The following KCNB2 variants were observed in gnomAD, a reference collection of about 807,000 sequenced individuals.
KCNB2 encodes potassium voltage-gated channel subfamily B member 2.
KCNB2 carries 15 observed loss-of-function variants against 61.5 expected under a neutral mutation model. The observed-to-expected ratio is 0.24, with a 90% CI of 0.16 to 0.38. The LOEUF (loss-of-function observed/expected upper bound fraction) is 0.38. Ranked by LOEUF, KCNB2 falls within the 10% of genes least tolerant of loss-of-function variation. The pLI is 1.00. For synonymous variants in KCNB2, 457 were observed against 446.0 expected (o/e 1.02, Z -0.31); for missense variants, 828 against 1,125.2 (o/e 0.74, Z 3.78).
At chr8:72,900,184 G>T (rs985700499) in intron 2 of KCNB2, among the ~76,000 whole-genome samples, 2 of 152,060 alleles carry the variant, frequency 1.3e-5, no homozygotes, top group African/African-American at 4.8e-5. Flanking sequence ...GATCCCAGAA[G>T]TAAAGCTACA....
intron 2 of KCNB2, among the ~76,000 whole-genome samples, chr8:72,721,491 T>G (rs1406029498): frequency 2.0e-5 from 3 of 152,058 alleles, no homozygotes; most frequent in Admixed American, 2.0e-4. Flanking sequence ...TAAAAGAAAG[T>G]GAGAGTAAGG....
intron 2 of KCNB2, among the ~76,000 whole-genome samples, chr8:72,837,573 C>G (rs895507077): frequency 5.3e-5 from 8 of 152,196 alleles, no homozygotes; most frequent in African/African-American, 1.9e-4. Flanking sequence ...TAATTACATA[C>G]AGTGAAATCT....
chr8:72,818,434 T>C lies in KCNB2; in HGVS notation c.580-117501T>C, dbSNP rs75133069. Among the ~76,000 whole-genome samples, 455 of 152,282 alleles carry C rather than the reference T, an allele frequency of 3.0e-3. 2 individuals carry two copies. The highest frequency in any genetic ancestry group is 0.011 in the African/African-American group (447 of 41,566). ...AACCTTAGTTCCACCATTAACTTGA[T>C]CTGTGACCTTGAGACTGTCACTTTA... On this transcript the variant is annotated intron_variant, in intron 2 of 2. Coordinates refer to ENST00000523207, the MANE Select transcript of KCNB2 (RefSeq NM_004770.3).
At chr8:72,758,841 C>T (rs1808334473) in intron 2 of KCNB2, among the ~76,000 whole-genome samples, 2 of 152,228 alleles carry the variant, frequency 1.3e-5, no homozygotes, top group East Asian at 1.9e-4. Context: ...TTCCCATGGG[C>T]ATTTCATTAA....
chr8:72,549,592 T>C (rs984601717), intron 1 of KCNB2, among the ~76,000 whole-genome samples: 1 of 152,202 alleles, frequency 6.6e-6, no homozygotes, highest in African/African-American at 2.4e-5. Context: ...GTGGCAATTA[T>C]ATAAGGTGAA....
At chr8:72,599,405 G>A (rs1009551012) in intron 2 of KCNB2, among the ~76,000 whole-genome samples, 176 of 152,290 alleles carry the variant, frequency 1.2e-3, no homozygotes, top group African/African-American at 4.0e-3. Flanking sequence ...TATATAGAAA[G>A]CTGAAACTGG....
chr8:72,730,102 T>C (rs1203314197), intron 2 of KCNB2, among the ~76,000 whole-genome samples: 1 of 152,072 alleles, frequency 6.6e-6, no homozygotes, highest in Admixed American at 6.6e-5. Context: ...TCATCCCACA[T>C]AGGAAGCCCC....
At chr8:72,915,601 T>A (rs1806383385) in intron 2 of KCNB2, among the ~76,000 whole-genome samples, 1 of 151,930 alleles carries the variant, frequency 6.6e-6, no homozygotes, top group Non-Finnish European at 1.5e-5. Flanking sequence ...AAAAATGAAA[T>A]AAAGGCAGTA....
chr8:72,623,510 A>C (rs1234508246), intron 2 of KCNB2, among the ~76,000 whole-genome samples: 1 of 152,208 alleles, frequency 6.6e-6, no homozygotes, highest in African/African-American at 2.4e-5. Flanking sequence ...TTTGGAACCC[A>C]AACCATCTGG....
intron 2 of KCNB2, among the ~76,000 whole-genome samples, chr8:72,868,077 T>TA (rs1805560217): frequency 7.3e-6 from 1 of 136,810 alleles, no homozygotes; most frequent in African/African-American, 3.1e-5. Flanking sequence ...TATTATTTAT[T>TA]TTTTTTTTTT....
chr8:72,738,776 G>C (rs2128994290), intron 2 of KCNB2, among the ~76,000 whole-genome samples: 1 of 152,302 alleles, frequency 6.6e-6, no homozygotes, highest in Non-Finnish European at 1.5e-5. Context: ...AGAGGGTCAA[G>C]TTTGAGCATC....
chr8:72,772,621 T>C (rs941486089), intron 2 of KCNB2, among the ~76,000 whole-genome samples: 43 of 152,294 alleles, frequency 2.8e-4, no homozygotes, highest in African/African-American at 1.0e-3. Context: ...AAGCACCAGG[T>C]CTTTTCTGGT....
At chr8:72,773,324 A>G (rs1381361098) in intron 2 of KCNB2, among the ~76,000 whole-genome samples, 1 of 152,150 alleles carries the variant, frequency 6.6e-6, no homozygotes, top group African/African-American at 2.4e-5. Flanking sequence ...TGGTGAAAAC[A>G]GGTTGAGTTT....
At chr8:72,735,166 C>A (rs1325738531) in intron 2 of KCNB2, among the ~76,000 whole-genome samples, 1 of 152,114 alleles carries the variant, frequency 6.6e-6, no homozygotes. Context: ...CCCAATCCAC[C>A]GTCTTCACAA....
At chr8:72,606,105 G>A (rs911442236) in intron 2 of KCNB2, among the ~76,000 whole-genome samples, 2 of 152,020 alleles carry the variant, frequency 1.3e-5, no homozygotes, top group Admixed American at 6.6e-5. Flanking sequence ...AAGTTAAATT[G>A]GTATCATTTT....
At chr8:72,584,186 C>T (rs1806961063) in intron 2 of KCNB2, among the ~76,000 whole-genome samples, 1 of 151,744 alleles carries the variant, frequency 6.6e-6, no homozygotes. Context: ...GATCTAGATA[C>T]CTTTTTTAAG....
At chr8:72,575,226 T>C (rs909575766) in intron 2 of KCNB2, among the ~76,000 whole-genome samples, 5 of 152,062 alleles carry the variant, frequency 3.3e-5, no homozygotes, top group Admixed American at 3.3e-4. Context: ...ATTTATATTG[T>C]TACTATTTAG....
At position 72,795,125 on chromosome 8, in the gene KCNB2, A is replaced by G. The variant is rs145962585; in HGVS notation, c.580-140810A>G. Among the ~76,000 whole-genome samples the G allele has an allele frequency of 3.3e-3, 504 of 152,354 alleles. 3 individuals carry two copies. Among genetic ancestry groups the G allele is most frequent in the African/African-American group, 0.012 (486 of 41,584 alleles). On this transcript the variant is annotated intron_variant, in intron 2 of 2. Transcript: ENST00000523207. ...GATCGGTACAAGATCATTAAGAGGT[A>G]GTAAGATTTAGAGTTTTAATACCAC...
Position 72,744,980 on chromosome 8 carries a change from G to A in KCNB2, c.579+176667G>A, listed in dbSNP as rs545023489. ...CACTGCTGTGGCTACTGCCAGCTTC[G>A]CTGAGCTGCATGGTCCTGGTTGACA... On this transcript the variant is annotated intron_variant, in intron 2 of 2. Coordinates refer to ENST00000523207, the MANE Select transcript of KCNB2 (RefSeq NM_004770.3). Among the ~76,000 whole-genome samples, 7 of 152,278 alleles carry A rather than the reference G, an allele frequency of 4.6e-5. No homozygotes were observed. In the South Asian group the frequency reaches 1.0e-3, roughly 23 times the overall value.
Sources: allele counts gnomAD v4.1 joint callset (sites outside exome capture counted in the v4.1 genomes callset), GRCh38; gene constraint gnomAD v4.1.1; transcripts MANE v1.5; gene names NCBI Gene and HGNC (gene_info 2026-07-23, HGNC 2026-07-21).